FHIT: variants seen among roughly 807,000 people sequenced by gnomAD.
The protein encoded by FHIT is fragile histidine triad diadenosine triphosphatase, also known as bis(5'-adenosyl)-triphosphatase.
A neutral mutation model predicts 17.9 loss-of-function variants in FHIT; 19 were observed. The ratio of observed to expected loss-of-function variants is 1.06; its 90% CI spans 0.74 to 1.56. The LOEUF is 1.56. Among genes scored for constraint, FHIT ranks in the 40% most tolerant of loss-of-function variants. FHIT has a pLI of 0.00. For synonymous variants in FHIT, 81 were observed against 69.7 expected (o/e 1.16, Z -0.81); for missense variants, 248 against 189.2 (o/e 1.31, Z -1.82).
intron 2 of FHIT, among the ~76,000 whole-genome samples, chr3:61,074,841 T>A (rs768433415): frequency 1.8e-4 from 28 of 152,178 alleles, no homozygotes; most frequent in Non-Finnish European, 3.8e-4. Context: ...AATAATTTCT[T>A]ACTTAACCCC....
intron 8 of FHIT, among the ~76,000 whole-genome samples, chr3:59,888,969 T>G (rs1262126735): frequency 6.6e-6 from 1 of 152,030 alleles, no homozygotes; most frequent in African/African-American, 2.4e-5. Context: ...TGAGCTAGTG[T>G]TTACAAGAAA....
intron 5 of FHIT, among the ~76,000 whole-genome samples, chr3:60,317,335 C>G (rs1486728888): frequency 6.6e-6 from 1 of 151,704 alleles, no homozygotes; most frequent in Non-Finnish European, 1.5e-5. Flanking sequence ...CAATTGTTAT[C>G]TTTGTAATTG....
rs551852753 is a variant in FHIT at position 60,438,834 on chromosome 3, T to C, written c.103+98026A>G. Among the ~76,000 whole-genome samples the C allele has an allele frequency of 1.0e-3, 153 of 152,230 alleles. 2 individuals carry two copies. The highest frequency in any genetic ancestry group is 3.4e-3 in the African/African-American group (142 of 41,562). On this transcript the variant is annotated intron_variant, in intron 5 of 9. Coordinates refer to ENST00000492590, the MANE Select transcript of FHIT (RefSeq NM_002012.4). ...GTCCGTGGTACCCAGAACACCAAAA[T>C]TGCCTAGACTACCTTCTAGAACACT...
intron 5 of FHIT, among the ~76,000 whole-genome samples, chr3:60,135,082 A>T (rs138516745): frequency 6.6e-6 from 1 of 152,174 alleles, no homozygotes; most frequent in East Asian, 1.9e-4. Context: ...TAAAAAGGGC[A>T]AAGTCAGAGG....
Position 59,958,734 on chromosome 3 carries a change from T to C in FHIT, c.280-36320A>G, listed in dbSNP as rs186824043. Among the ~76,000 whole-genome samples the C allele has an allele frequency of 1.6e-4, 24 of 152,346 alleles. 1 individual carries two copies. Among genetic ancestry groups the C allele is most frequent in the African/African-American group, 5.3e-4 (22 of 41,590 alleles). ...TATGTAATTTCTACTCTGAAACAGA[T>C]GTCACTAAAGTCTCTTCCGGGGCCA... On this transcript the variant is annotated intron_variant, in intron 7 of 9. Transcript: ENST00000492590.
chr3:60,118,469 C>G (rs988752766), intron 5 of FHIT, among the ~76,000 whole-genome samples: 4 of 151,762 alleles, frequency 2.6e-5, no homozygotes, highest in Non-Finnish European at 1.5e-5. Context: ...TTGGTAATCT[C>G]TTATTTTAAT....
At chr3:61,088,176 C>A (rs1003197001) in intron 2 of FHIT, among the ~76,000 whole-genome samples, 1 of 152,128 alleles carries the variant, frequency 6.6e-6, no homozygotes, top group Non-Finnish European at 1.5e-5. Context: ...GCTGGGAGCC[C>A]ACCTCTGTGG....
At chr3:60,632,254 C>T (rs80010047) in intron 4 of FHIT, among the ~76,000 whole-genome samples, 2,392 of 152,218 alleles carry the variant, frequency 0.016, 70 homozygotes, top group African/African-American at 0.055. Context: ...AGAACGATTT[C>T]TCTGATTTCT....
chr3:60,660,729 C>CTTTTTTTTTTTTTTTTTTTTT lies in FHIT; in HGVS notation c.-17-123771_-17-123751dup. Reference sequence around the variant, plus strand: ...GATGTGGAATATCTTTTATTGTGCTCTTTTTTTTTTTTTTTTTTTTTGCCA... The same window carrying CTTTTTTTTTTTTTTTTTTTTT: ...GATGTGGAATATCTTTTATTGTGCTCTTTTTTTTTTTTTTTTTTTTTTTTTTTTTTTTTTTTTTTTTTGCCA... On this transcript the variant is annotated intron_variant, in intron 4 of 9. Coordinates refer to ENST00000492590, the MANE Select transcript of FHIT (RefSeq NM_002012.4). Among the ~76,000 whole-genome samples, 155 of 37,266 alleles carry CTTTTTTTTTTTTTTTTTTTTT rather than the reference C, an allele frequency of 4.2e-3. 38 individuals carry two copies. The highest frequency in any genetic ancestry group is 6.0e-3 in the Non-Finnish European group (109 of 18,228). 24.4% of individuals were successfully genotyped at this position (37,266 alleles called of 152,430 possible). A position where few individuals can be genotyped will look rare whatever the true frequency, so the allele number is the denominator to read the frequency against.
At chr3:60,638,623 C>T (rs1395911657) in intron 4 of FHIT, among the ~76,000 whole-genome samples, 1 of 152,056 alleles carries the variant, frequency 6.6e-6, no homozygotes, top group Non-Finnish European at 1.5e-5. Flanking sequence ...GGTGATTCCA[C>T]TGTGGAGCAA....
chr3:61,116,113 C>A (rs763238077), intron 2 of FHIT, among the ~76,000 whole-genome samples: 4 of 151,796 alleles, frequency 2.6e-5, no homozygotes, highest in Middle Eastern at 3.2e-3. Context: ...CCATCAGTTT[C>A]TCTAGTATTT....
intron 7 of FHIT, among the ~76,000 whole-genome samples, chr3:59,997,232 C>T (rs1265424295): frequency 6.6e-6 from 1 of 152,066 alleles, no homozygotes; most frequent in African/African-American, 2.4e-5. Flanking sequence ...ATGTACACAG[C>T]CAAAGGCATT....
intron 5 of FHIT, among the ~76,000 whole-genome samples, chr3:60,251,085 T>G (rs184816382): frequency 1.5e-4 from 23 of 152,304 alleles, no homozygotes; most frequent in Admixed American, 1.4e-3. Flanking sequence ...CATACAGATT[T>G]TATGAAGACA....
At position 60,398,457 on chromosome 3, in the gene FHIT, G is replaced by T. The variant is rs557356169; in HGVS notation, c.103+138403C>A. 1.1e-4 allele frequency among the ~76,000 whole-genome samples: 17 copies of T among 152,174 alleles called. 1 individual carries two copies. In the South Asian group the frequency reaches 2.9e-3, roughly 26 times the overall value. On this transcript the variant is annotated intron_variant, in intron 5 of 9. Transcript: ENST00000492590. ...TAATCGTGTGTGTAACCCAAAAAGGGCAAATCTGATCCTGCCTATCAAGTG... is the reference window on the plus strand; with the variant it reads ...TAATCGTGTGTGTAACCCAAAAAGGTCAAATCTGATCCTGCCTATCAAGTG...
chr3:60,496,628 C>A (rs1339456564), intron 5 of FHIT, among the ~76,000 whole-genome samples: 3 of 152,158 alleles, frequency 2.0e-5, no homozygotes, highest in African/African-American at 4.8e-5. Flanking sequence ...GGTGATTCCA[C>A]TGCTAGGTAA....
intron 5 of FHIT, among the ~76,000 whole-genome samples, chr3:60,116,998 T>C (rs993896607): frequency 5.3e-5 from 8 of 152,192 alleles, no homozygotes; most frequent in African/African-American, 1.9e-4. Context: ...AAATAATTGT[T>C]ATTAAATACA....
intron 5 of FHIT, among the ~76,000 whole-genome samples, chr3:60,362,752 C>T (rs1275568623): frequency 5.3e-5 from 8 of 152,140 alleles, no homozygotes; most frequent in African/African-American, 1.2e-4. Flanking sequence ...ATCAATAAAA[C>T]GTGGATCAGA....
chr3:60,073,351 C>A (rs1163854495), intron 5 of FHIT, among the ~76,000 whole-genome samples: 13 of 152,038 alleles, frequency 8.6e-5, no homozygotes, highest in Admixed American at 8.5e-4. Flanking sequence ...CTTGCCTTAT[C>A]ATCTTACAAA....
intron 2 of FHIT, among the ~76,000 whole-genome samples, chr3:61,195,278 A>G (rs1405835402): frequency 6.6e-6 from 1 of 152,120 alleles, no homozygotes; most frequent in Non-Finnish European, 1.5e-5. Flanking sequence ...ACTTCTCAAA[A>G]AAAAAGAAAA....
Sources: allele counts gnomAD v4.1 joint callset (sites outside exome capture counted in the v4.1 genomes callset), GRCh38; gene constraint gnomAD v4.1.1; transcripts MANE v1.5; gene names NCBI Gene and HGNC (gene_info 2026-07-23, HGNC 2026-07-21).